SLMAP: variants seen among roughly 807,000 people sequenced by gnomAD.
SLMAP encodes sarcolemma associated protein.
In SLMAP, 44 loss-of-function variants were observed where a neutral mutation model predicts 128.8. That is an observed-to-expected ratio of 0.34 (90% CI 0.27 to 0.44). The LOEUF (loss-of-function observed/expected upper bound fraction) is 0.44, where lower values mean the gene tolerates loss of function less well. SLMAP is among the 20% of genes least tolerant of loss of function. The pLI is 1.00. For missense variants in SLMAP, 787 were observed against 985.3 expected (o/e 0.80, Z 2.69); for synonymous variants, 327 against 348.8 (o/e 0.94, Z 0.70).
Position 57,852,134 on chromosome 3 carries a change from A to G in SLMAP, c.519+2318A>G, listed in dbSNP as rs1458779503. Among the ~76,000 whole-genome samples the G allele has an allele frequency of 2.0e-5, 3 of 149,590 alleles. 1 individual carries two copies. The highest frequency in any genetic ancestry group is 3.0e-5 in the Non-Finnish European group (2 of 67,210). ...ACCGTGTTAGCCAGGATGGTCTCCAATCTCCTGACCTCGTTATCTGCCCAC... is the reference window on the plus strand; with the variant it reads ...ACCGTGTTAGCCAGGATGGTCTCCAGTCTCCTGACCTCGTTATCTGCCCAC... On this transcript the variant is annotated intron_variant, in intron 6 of 24. Transcript: ENST00000671191.
chr3:57,855,959 C>G (rs1323684292), intron 6 of SLMAP, among the ~76,000 whole-genome samples: 1 of 151,934 alleles, frequency 6.6e-6, no homozygotes, highest in African/African-American at 2.4e-5. Context: ...GAGAGAATTG[C>G]TTGAACCCAA....
intron 14 of SLMAP, among the ~76,000 whole-genome samples, chr3:57,879,471 A>T (rs1237093410): frequency 6.6e-6 from 1 of 152,208 alleles, no homozygotes; most frequent in Non-Finnish European, 1.5e-5. Context: ...GAAACAGCCA[A>T]AAAGACCCTC....
chr3:57,790,045 C>G (rs1191324664), intron 2 of SLMAP, among the ~76,000 whole-genome samples: 3 of 152,068 alleles, frequency 2.0e-5, no homozygotes, highest in Non-Finnish European at 2.9e-5. Context: ...CCATGTTGGC[C>G]ACGCTGGTCT....
intron 4 of SLMAP, among the ~76,000 whole-genome samples, chr3:57,842,274 CTTGT>C (rs936950026): frequency 3.0e-4 from 46 of 151,734 alleles, no homozygotes; most frequent in African/African-American, 1.1e-3. Context: ...CATACTTTTC[CTTGT>C]TTGTTTACTT....
chr3:57,841,216 A>C (rs377350519), intron 3 of SLMAP, 83 bp from the exon 4 acceptor site: 13 of 740,596 alleles, frequency 1.8e-5, no homozygotes, highest in Non-Finnish European at 2.6e-5. Context: ...TTTTAAGAAT[A>C]AACTATGTTT....
At chr3:57,892,220 A>C (rs1019239301) in intron 15 of SLMAP, among the ~76,000 whole-genome samples, 1 of 152,128 alleles carries the variant, frequency 6.6e-6, no homozygotes, top group East Asian at 1.9e-4. Context: ...ATTTGGCTAA[A>C]TTGTCTTTAA....
rs946738943 is a variant in SLMAP at position 57,918,047 on chromosome 3, A to T, written c.2310+970A>T. The T allele has an allele frequency of 2.6e-5, 4 of 152,088 alleles. No homozygotes were observed. The East Asian group carries it at 7.7e-4, about 29-fold the overall frequency. 9.4% of individuals were successfully genotyped at this position (152,088 alleles called of 1,614,324 possible). On this transcript the variant is annotated intron_variant, in intron 22 of 24. Transcript: ENST00000671191. ...TGGCAATGATTGTTCTTCTGTCTTC[A>T]TGTTTGTTCCTAATGAAAAAATACT...
chr3:57,787,575 C>T (rs750141890), intron 2 of SLMAP, among the ~76,000 whole-genome samples: 2 of 152,192 alleles, frequency 1.3e-5, no homozygotes, highest in Non-Finnish European at 2.9e-5. Context: ...CTCTCGGGTT[C>T]AAGTGATTCT....
chr3:57,787,570 G>A (rs182763788), intron 2 of SLMAP, among the ~76,000 whole-genome samples: 2 of 152,228 alleles, frequency 1.3e-5, no homozygotes, highest in East Asian at 1.9e-4. Context: ...TCTGCCTCTC[G>A]GGTTCAAGTG....
chr3:57,895,749 C>T (rs1171932162), intron 15 of SLMAP, among the ~76,000 whole-genome samples: 1 of 151,922 alleles, frequency 6.6e-6, no homozygotes, highest in Non-Finnish European at 1.5e-5. Context: ...TGAGACCAGC[C>T]TAGGCAACAT....
intron 15 of SLMAP, among the ~76,000 whole-genome samples, chr3:57,892,749 A>G (rs536854900): frequency 4.0e-4 from 61 of 151,464 alleles, no homozygotes; most frequent in Non-Finnish European, 8.6e-4. Flanking sequence ...GTTCGAGACC[A>G]GCCTGGGCAA....
chr3:57,906,960 A>G (rs1490153810), intron 17 of SLMAP, among the ~76,000 whole-genome samples: 4 of 151,734 alleles, frequency 2.6e-5, no homozygotes, highest in Admixed American at 2.0e-4. Context: ...GCTGGATTTA[A>G]TTTATTTCGG....
At chr3:57,879,193 G>A (rs2095669369) in intron 14 of SLMAP, among the ~76,000 whole-genome samples, 2 of 152,110 alleles carry the variant, frequency 1.3e-5, no homozygotes, top group African/African-American at 4.8e-5. Context: ...TGTTTGTATT[G>A]TTTCTCATTT....
chr3:57,850,244 AT>A (rs1178386938), intron 6 of SLMAP, among the ~76,000 whole-genome samples: 5 of 152,192 alleles, frequency 3.3e-5, no homozygotes, highest in African/African-American at 1.2e-4. Context: ...GGATAAAAAA[AT>A]GGCTGGATGC....
At chr3:57,850,560 A>G (rs2094462984) in intron 6 of SLMAP, among the ~76,000 whole-genome samples, 2 of 152,118 alleles carry the variant, frequency 1.3e-5, no homozygotes, top group Non-Finnish European at 2.9e-5. Context: ...CTGGGATTAT[A>G]GGTGTGAGCC....
At chr3:57,894,950 T>C (rs1459261925) in intron 15 of SLMAP, among the ~76,000 whole-genome samples, 2 of 152,150 alleles carry the variant, frequency 1.3e-5, no homozygotes, top group African/African-American at 4.8e-5. Flanking sequence ...AGGATTTCCA[T>C]ATAGGATTTC....
intron 2 of SLMAP, among the ~76,000 whole-genome samples, chr3:57,823,808 A>G (rs1005042911): frequency 6.6e-6 from 1 of 152,218 alleles, no homozygotes; most frequent in Non-Finnish European, 1.5e-5. Flanking sequence ...GACTTCCACA[A>G]TGGTTGAACT....
chr3:57,885,388 GTTGTTTTGTT>G (rs1186477809), intron 14 of SLMAP, among the ~76,000 whole-genome samples: 1 of 145,846 alleles, frequency 6.9e-6, no homozygotes. Flanking sequence ...TGTTGTTGTT[GTTGTTTTGTT>G]TTGTTTTGTT....
In SLMAP at chr3:57,896,573, A is replaced by C. The variant is rs753655315; in HGVS notation, c.1423A>C (p.Ser475Arg). The change falls in exon 16 of 25, where the codon AGC becomes CGC. Residue 475 changes from serine (S) to arginine (R), a missense_variant. Around this residue, in one of 2 missense-constraint regions of SLMAP, gnomAD observed 715 missense variants for 843.6 expected, o/e 0.85. Coordinates refer to ENST00000671191, the MANE Select transcript of SLMAP (RefSeq NM_001377540.1). ...SDTLSPSKEK[S>R]SDDTTDAQMD... The stretch of plus-strand genomic sequence containing the variant: ...TACTCTGAGTCCAAGCAAGGAAAAA[A>C]GCAGTGACGACACTACAGGTGAGTT... 6.2e-7 allele frequency: 1 copy of C among 1,610,066 alleles called. No homozygotes were observed. Among genetic ancestry groups the C allele is most frequent in the African/African-American group, 1.3e-5 (1 of 74,740 alleles).
Sources: allele counts gnomAD v4.1 joint callset (sites outside exome capture counted in the v4.1 genomes callset), GRCh38; gene constraint gnomAD v4.1.1; regional missense constraint gnomAD v4.1.1; transcripts MANE v1.5; gene names NCBI Gene and HGNC (gene_info 2026-07-23, HGNC 2026-07-21).